Variants in CCAR1 observed in about 807,000 individuals in gnomAD.
CCAR1 encodes cell division cycle and apoptosis regulator protein 1.
Under a neutral mutation model 163.8 loss-of-function variants are expected in CCAR1, and 78 were observed. The ratio of observed to expected loss-of-function variants is 0.48; its 90% confidence interval spans 0.40 to 0.57. The LOEUF (loss-of-function observed/expected upper bound fraction) is 0.57, where lower values mean the gene tolerates loss of function less well. CCAR1 is among the 20% of genes least tolerant of loss of function. The pLI is 0.00. For synonymous variants in CCAR1, 443 were observed against 460.7 expected, an observed-to-expected ratio of 0.96 and a Z score of 0.49; for missense variants, 1,019 against 1,365.2, an observed-to-expected ratio of 0.75 and a Z score of 4.00.
At chr10:68,757,197 T>C in intron 14 of CCAR1, 97 bp from the exon 15 acceptor site, 1 of 667,742 alleles carries the variant, frequency 1.5e-6, no homozygotes, top group Non-Finnish European at 2.5e-6. Flanking sequence ...CTGAAACATT[T>C]GTGACCTTGC....
rs74372110 is a variant in CCAR1, at chr10:68,752,105, A to G, written c.1119-1747A>G. On this transcript the variant is annotated intron_variant, in intron 10 of 24. Coordinates refer to ENST00000265872, the MANE Select transcript of CCAR1 (RefSeq NM_018237.4). ...CTAATTTTTTTTGTATTTTTAGTAGAGACAGGGTTTCGCCGTGTTAGCCAG... is the reference window on the plus strand; with the variant it reads ...CTAATTTTTTTTGTATTTTTAGTAGGGACAGGGTTTCGCCGTGTTAGCCAG... Among the ~76,000 whole-genome samples, 665 of 151,192 alleles carry G rather than the reference A, an allele frequency of 4.4e-3. 8 individuals are homozygous for G. The highest frequency in any genetic ancestry group is 9.9e-3 in the East Asian group (50 of 5,042).
Position 68,749,139 on chromosome 10 carries a change from G to T in CCAR1, c.830G>T (p.Gly277Val), listed in dbSNP as rs780100992. The change falls in exon 9 of 25, where the codon GGT becomes GTT. Residue 277 changes from glycine to valine, a missense_variant. Coordinates refer to ENST00000265872, the MANE Select transcript of CCAR1 (RefSeq NM_018237.4). ...PLLQQPQQKA[G>V]LLQPPVRIVS... The stretch of plus-strand genomic sequence containing the variant: ...TTTTTTCTTTTATCTTTTAAAGCTG[G>T]TTTATTGCAGCCTCCTGTTCGTATA... 4.3e-6 allele frequency: 7 copies of T among 1,613,800 alleles called. 1 individual carries two copies. Among genetic ancestry groups the T allele is most frequent in the Non-Finnish European group, 1.7e-6 (2 of 1,179,932 alleles).
chr10:68,785,430 C>G (rs1362163270), intron 19 of CCAR1, among the ~76,000 whole-genome samples: 1 of 151,568 alleles, frequency 6.6e-6, no homozygotes, highest in African/African-American at 2.4e-5. Context: ...CCATGTTGCA[C>G]TGGCTGGTTT....
intron 16 of CCAR1, among the ~76,000 whole-genome samples, chr10:68,763,707 C>T (rs1003340378): frequency 1.3e-5 from 2 of 152,202 alleles, no homozygotes; most frequent in Middle Eastern, 3.2e-3. Context: ...CTTGGCCTCC[C>T]AAAGTGCTGG....
intron 6 of CCAR1, among the ~76,000 whole-genome samples, chr10:68,745,843 C>G (rs533665393): frequency 3.2e-4 from 48 of 152,200 alleles, no homozygotes; most frequent in Admixed American, 7.2e-4. Flanking sequence ...AATGTGATCT[C>G]ACAATGTTGC....
intron 6 of CCAR1, 139 bp downstream of exon 6, chr10:68,742,708 T>C (rs2056198046): frequency 1.4e-6 from 1 of 690,726 alleles, no homozygotes. Flanking sequence ...CTCTGCCTCC[T>C]GGGTTCAAGC....
intron 16 of CCAR1, among the ~76,000 whole-genome samples, chr10:68,763,174 C>T (rs35419333): frequency 0.099 from 15,109 of 151,970 alleles, 934 homozygotes; most frequent in South Asian, 0.16. Flanking sequence ...TATTTTGAGA[C>T]GGAGTCTCGC....
At chr10:68,745,087 C>A in intron 6 of CCAR1, among the ~76,000 whole-genome samples, 1 of 152,092 alleles carries the variant, frequency 6.6e-6, no homozygotes, top group Non-Finnish European at 1.5e-5. Context: ...CTCACTGTAA[C>A]CTCCGCCTTC....
At chr10:68,754,975 A>G (rs1379851287) in intron 12 of CCAR1, 148 bp downstream of exon 12, 3 of 605,038 alleles carry the variant, frequency 5.0e-6, no homozygotes, top group African/African-American at 3.7e-5. Context: ...AATGATGTAG[A>G]TGTTTTTCTC....
chr10:68,739,805 A>G (rs1335057188), intron 4 of CCAR1, among the ~76,000 whole-genome samples: 1 of 152,344 alleles, frequency 6.6e-6, no homozygotes, highest in Middle Eastern at 3.4e-3. Context: ...AAAAAATAGT[A>G]TTTTGATATG....
At chr10:68,781,263 A>C (rs949597235) in intron 19 of CCAR1, among the ~76,000 whole-genome samples, 10 of 149,918 alleles carry the variant, frequency 6.7e-5, no homozygotes, top group Non-Finnish European at 3.0e-5. Context: ...TAGACCAATT[A>C]CAGGTGCGGT....
Position 68,760,996 on chromosome 10 carries a change from CAT to C in CCAR1, c.1921-6_1921-5del, listed in dbSNP as rs1409310190. The C allele has an allele frequency of 7.3e-7, 1 of 1,378,542 alleles. No homozygotes were observed. The highest frequency in any genetic ancestry group is 9.5e-7 in the Non-Finnish European group (1 of 1,049,182). The allele number at this position is 1,378,542 out of a possible 1,614,324, so 85.4% of individuals were successfully genotyped here. A position where few individuals can be genotyped will look rare whatever the true frequency, so the allele number is the denominator to read the frequency against. On this transcript the variant is annotated splice_polypyrimidine_tract_variant and intron_variant, in intron 15 of 24. Transcript: ENST00000265872. ...TTTTTTTTTCCGTGTTTTTCTGCTC[CAT>C]ATATTCAGGTAAATGACCTCCGAAA...
intron 18 of CCAR1, 128 bp downstream of exon 18, chr10:68,771,573 A>G: frequency 1.1e-6 from 1 of 880,932 alleles, no homozygotes; most frequent in East Asian, 2.5e-5. Flanking sequence ...TAGAAAATCA[A>G]GTCTTTGAGA....
At position 68,761,050 on chromosome 10, in the gene CCAR1, C is replaced by T; in HGVS notation, c.1964C>T (p.Ser655Phe). 1 of 1,502,520 alleles carries T rather than the reference C, an allele frequency of 6.7e-7. No homozygotes were observed. 93.1% of individuals were successfully genotyped at this position (1,502,520 alleles called of 1,614,324 possible). A position where few individuals can be genotyped will look rare whatever the true frequency, so the allele number is the denominator to read the frequency against. ...GAATTAGAAAGTCGAGCTCTTAGTT[C>T]CAAAGGATTAAAATCCCAGTTAATA... ...RKELESRALS[S>F]KGLKSQLIAR... is the part of the protein sequence containing the mutation. Residue 655 changes from serine to phenylalanine, a missense_variant, in exon 16 of 25, where the codon TCC becomes TTC. Ser to Phe is a radical substitution (Grantham distance 155). Around this residue, in one of 4 missense-constraint regions of CCAR1, gnomAD observed 644 missense variants for 904.4 expected, o/e 0.71. Coordinates refer to ENST00000265872, the MANE Select transcript of CCAR1 (RefSeq NM_018237.4).
chr10:68,740,877 G>GTTTTA (rs902611777), intron 5 of CCAR1, among the ~76,000 whole-genome samples: 28 of 149,756 alleles, frequency 1.9e-4, no homozygotes, highest in Non-Finnish European at 2.8e-4. Context: ...TAAATATGAG[G>GTTTTA]TTTTATTTTA....
chr10:68,744,709 T>C lies in CCAR1; in HGVS notation c.518+2140T>C, dbSNP rs146854887. Among the ~76,000 whole-genome samples, 51 of 152,254 alleles carry C rather than the reference T, an allele frequency of 3.3e-4. 2 individuals are homozygous for C. The East Asian group carries it at 9.6e-3, about 29-fold the overall frequency. On this transcript the variant is annotated intron_variant, in intron 6 of 24. Transcript: ENST00000265872. ...AGTCTTGGGTTATAAAAGTAAAAAA[T>C]GGATCAGGAGAGATAATATCAGGGA...
intron 2 of CCAR1, among the ~76,000 whole-genome samples, chr10:68,731,666 G>A (rs2056041774): frequency 7.2e-6 from 1 of 139,572 alleles, no homozygotes; most frequent in African/African-American, 2.7e-5. Context: ...CACAATCTCG[G>A]CTCACTGCAA....
intron 16 of CCAR1, among the ~76,000 whole-genome samples, chr10:68,762,610 G>C (rs2056487369): frequency 2.0e-5 from 3 of 152,166 alleles, no homozygotes; most frequent in Admixed American, 6.5e-5. Flanking sequence ...AATTGGATAA[G>C]CCACATAATC....
chr10:68,760,767 GAC>G (rs1263860775), intron 15 of CCAR1: 2 of 254,716 alleles, frequency 7.9e-6, no homozygotes, highest in Non-Finnish European at 1.5e-5. Context: ...GGGGGGCTGA[GAC>G]AGGAGAATTG....
Sources: gnomAD v4.1 joint callset for allele counts (sites outside exome capture counted in the v4.1 genomes callset) on GRCh38, gnomAD v4.1.1 for gene constraint, gnomAD v4.1.1 regional missense constraint, MANE v1.5 for transcripts, NCBI Gene and HGNC (gene_info 2026-07-23, HGNC 2026-07-21) for gene names.